Variants in MOB1B observed in about 807,000 individuals in gnomAD.
MOB1B encodes MOB1 Mps One Binder homolog B.
MOB1B carries 19 observed loss-of-function variants against 24.4 expected under a neutral mutation model. That is an observed-to-expected ratio of 0.78 (90% confidence interval 0.54 to 1.14). The LOEUF is 1.14. MOB1B is among the 50% of genes most tolerant of loss of function. The probability of loss-of-function intolerance (pLI) is 0.00; values close to 1 mark genes in which losing one functional copy is unlikely to be tolerated. For synonymous variants in MOB1B, 76 were observed against 82.1 expected (o/e 0.93, Z 0.40); for missense variants, 243 against 259.6 (o/e 0.94, Z 0.44).
chr4:70,968,471 C>T (rs1475250878), intron 2 of MOB1B, among the ~76,000 whole-genome samples: 1 of 152,074 alleles, frequency 6.6e-6, no homozygotes, highest in Non-Finnish European at 1.5e-5. Flanking sequence ...GCCACCACAC[C>T]CGGCTAATTT....
chr4:70,975,453 C>T (rs1738944379), intron 4 of MOB1B, 167 bp downstream of exon 4: 1 of 1,331,942 alleles, frequency 7.5e-7, no homozygotes, highest in East Asian at 2.9e-5. Flanking sequence ...TTTGTTAACC[C>T]AGTGGTAAAA....
At chr4:70,967,321 A>G (rs1449727800) in intron 2 of MOB1B, among the ~76,000 whole-genome samples, 3 of 152,184 alleles carry the variant, frequency 2.0e-5, no homozygotes, top group Non-Finnish European at 4.4e-5. Context: ...TTCAGTAGAC[A>G]TAGGGTTTCA....
Position 70,957,714 on chromosome 4 carries a change from G to T in MOB1B, c.15-1160G>T, listed in dbSNP as rs570633927. Among the ~76,000 whole-genome samples, 283 of 151,326 alleles carry T rather than the reference G, an allele frequency of 1.9e-3. 1 individual carries two copies. The highest frequency in any genetic ancestry group is 6.5e-3 in the African/African-American group (267 of 41,290). On this transcript the variant is annotated intron_variant, in intron 1 of 5. Transcript: ENST00000309395. The stretch of plus-strand genomic sequence containing the variant: ...TGCCTCTGGCCTCCCAAGTAGCTGG[G>T]ATTACCAGTGTAAGTCACCACACTC...
At position 70,975,152 on chromosome 4, in the gene MOB1B, G is replaced by T; in HGVS notation, c.276-1G>T. 1 of 1,600,682 alleles carries T rather than the reference G, an allele frequency of 6.2e-7. No homozygotes were observed. The highest frequency in any genetic ancestry group is 8.5e-7 in the Non-Finnish European group (1 of 1,175,114). ...GTGTGCTTTTTATCTCTCCAATGCA[G>T]ATATGAGTATCATTGGGCAGATGGA... On this transcript the variant is annotated splice_acceptor_variant, in intron 3 of 5. Transcript: ENST00000309395. LOFTEE classifies it high-confidence loss of function.
chr4:70,927,850 C>T (rs1434356375), intron 1 of MOB1B, among the ~76,000 whole-genome samples: 1 of 152,164 alleles, frequency 6.6e-6, no homozygotes, highest in Non-Finnish European at 1.5e-5. Context: ...AACTCCAAGG[C>T]ATAGAAGGCC....
chr4:70,924,914 C>T (rs1457242752), intron 1 of MOB1B, among the ~76,000 whole-genome samples: 1 of 152,156 alleles, frequency 6.6e-6, no homozygotes, highest in Non-Finnish European at 1.5e-5. Flanking sequence ...GGTTGAAGAA[C>T]CAACATTTTT....
At position 70,969,976 on chromosome 4, in the gene MOB1B, C is replaced by T. The variant is rs532138438; in HGVS notation, c.227C>T (p.Thr76Ile). ...NQINMLYGTI[T>I]DFCTEESCPV... Reference sequence around the variant, plus strand: ...ATCAACATGCTTTATGGAACTATCACAGACTTCTGTACAGAAGAGAGTTGT... The same window carrying T: ...ATCAACATGCTTTATGGAACTATCATAGACTTCTGTACAGAAGAGAGTTGT... Residue 76 changes from threonine (T) to isoleucine (I), a missense_variant, in exon 3 of 6, where the codon ACA becomes ATA. Transcript: ENST00000309395. The T allele has an allele frequency of 5.6e-6, 9 of 1,607,484 alleles. No individual in the cohort carries two copies. The highest frequency in any genetic ancestry group is 6.8e-6 in the Non-Finnish European group (8 of 1,176,338).
At chr4:70,908,022 G>T (rs1055928800) in intron 1 of MOB1B, among the ~76,000 whole-genome samples, 1 of 150,504 alleles carries the variant, frequency 6.6e-6, no homozygotes, top group Non-Finnish European at 1.5e-5. Flanking sequence ...CTATTTCTTC[G>T]TTCTTTCTTT....
intron 1 of MOB1B, among the ~76,000 whole-genome samples, chr4:70,910,333 G>A (rs1198295364): frequency 6.6e-6 from 1 of 151,938 alleles, no homozygotes; most frequent in Non-Finnish European, 1.5e-5. Context: ...TAGCCATTGC[G>A]CCCAGCTGAT....
At chr4:70,927,776 C>T (rs1456458143) in intron 1 of MOB1B, among the ~76,000 whole-genome samples, 2 of 151,996 alleles carry the variant, frequency 1.3e-5, no homozygotes, top group Non-Finnish European at 2.9e-5. Context: ...TCGGTGCACT[C>T]GCTTCCTGTA....
chr4:70,934,864 C>T (rs1446065137), intron 1 of MOB1B, among the ~76,000 whole-genome samples: 1 of 152,022 alleles, frequency 6.6e-6, no homozygotes, highest in Non-Finnish European at 1.5e-5. Flanking sequence ...AATACTCCCC[C>T]AGTTAACCTT....
At chr4:70,953,945 A>G (rs1377346057) in intron 1 of MOB1B, among the ~76,000 whole-genome samples, 1 of 152,152 alleles carries the variant, frequency 6.6e-6, no homozygotes, top group Non-Finnish European at 1.5e-5. Flanking sequence ...CTCTGTCTTA[A>G]AAAAGAAAAT....
intron 1 of MOB1B, among the ~76,000 whole-genome samples, chr4:70,954,567 T>G (rs1275544461): frequency 1.3e-5 from 2 of 151,808 alleles, no homozygotes; most frequent in African/African-American, 4.8e-5. Flanking sequence ...GCAATTCTCC[T>G]GCCTCAGCTT....
chr4:70,905,313 A>T (rs907712017), intron 1 of MOB1B, among the ~76,000 whole-genome samples: 4 of 151,884 alleles, frequency 2.6e-5, no homozygotes, highest in Non-Finnish European at 5.9e-5. Flanking sequence ...ACCACAGCTA[A>T]CTGTAGCTTT....
At chr4:70,907,845 T>C (rs1735811422) in intron 1 of MOB1B, among the ~76,000 whole-genome samples, 1 of 152,072 alleles carries the variant, frequency 6.6e-6, no homozygotes, top group Non-Finnish European at 1.5e-5. Flanking sequence ...TGGGTGTTAC[T>C]GTGTTGCCCG....
chr4:70,940,676 A>ATTT (rs796738977), intron 1 of MOB1B, among the ~76,000 whole-genome samples: 2 of 141,644 alleles, frequency 1.4e-5, no homozygotes, highest in Admixed American at 7.1e-5. Context: ...TAGGGCATTA[A>ATTT]TTTTTTTTTT....
Position 70,902,546 on chromosome 4 carries a change from T to C in MOB1B, c.10T>C (p.Leu4=). 6.4e-7 allele frequency: 1 copy of C among 1,563,808 alleles called. No homozygotes were observed. Among genetic ancestry groups the C allele is most frequent in the Non-Finnish European group, 8.7e-7 (1 of 1,155,416 alleles). Residue 4 remains leucine (L), a synonymous_variant, in exon 1 of 6, where the codon TTG becomes CTG. Coordinates refer to ENST00000309395, the MANE Select transcript of MOB1B (RefSeq NM_173468.4). MSF[L]FGSRSSKTFK... ...CTGCCCCGCGGCCAACATGAGCTTCTTGTTGTGAGTAGCCAGGCCCCGCAC... is the reference window on the plus strand; with the variant it reads ...CTGCCCCGCGGCCAACATGAGCTTCCTGTTGTGAGTAGCCAGGCCCCGCAC...
intron 1 of MOB1B, among the ~76,000 whole-genome samples, chr4:70,908,219 A>G (rs1461286776): frequency 2.0e-5 from 3 of 150,640 alleles, no homozygotes; most frequent in South Asian, 2.1e-4. Flanking sequence ...TAGTAGAGAC[A>G]GGGTTTCACC....
chr4:70,954,452 C>CTTTTCT (rs757593839), intron 1 of MOB1B, among the ~76,000 whole-genome samples: 4 of 152,124 alleles, frequency 2.6e-5, no homozygotes, highest in African/African-American at 7.2e-5. Flanking sequence ...TTTTTCTTTT[C>CTTTTCT]TTTTCTTTTT....
Sources: allele counts gnomAD v4.1 joint callset (sites outside exome capture counted in the v4.1 genomes callset), GRCh38; gene constraint gnomAD v4.1.1; transcripts MANE v1.5; gene names NCBI Gene and HGNC (gene_info 2026-07-23, HGNC 2026-07-21).